COMMD1: variants seen among roughly 807,000 people sequenced by gnomAD.
The protein encoded by COMMD1 is copper metabolism domain containing 1.
A neutral mutation model predicts 17.2 loss-of-function variants in COMMD1; 10 were observed. That is an observed-to-expected ratio of 0.58 (90% CI 0.36 to 0.99). COMMD1 has a LOEUF of 0.99. Ranked by LOEUF, COMMD1 falls within the 50% of genes least tolerant of loss-of-function variation. The pLI, the probability that COMMD1 is intolerant of heterozygous loss-of-function variation, is 0.01. For synonymous variants in COMMD1, 97 were observed against 91.6 expected, an observed-to-expected ratio of 1.06 and a Z score of -0.34; for missense variants, 270 against 231.8, an observed-to-expected ratio of 1.17 and a Z score of -1.07.
At chr2:62,078,754 G>A (rs946197558) in intron 2 of COMMD1, among the ~76,000 whole-genome samples, 2 of 151,284 alleles carry the variant, frequency 1.3e-5, no homozygotes, top group Non-Finnish European at 2.9e-5. Flanking sequence ...GCACATGCCT[G>A]TAATCCCAGC....
At chr2:61,900,253 T>G (rs1459850351) in intron 1 of COMMD1, among the ~76,000 whole-genome samples, 2 of 152,204 alleles carry the variant, frequency 1.3e-5, no homozygotes, top group Non-Finnish European at 2.9e-5. Context: ...AAGGTGTACA[T>G]TGGTTCGGTC....
At chr2:62,008,386 A>AT (rs1669184422) in intron 2 of COMMD1, among the ~76,000 whole-genome samples, 1 of 150,534 alleles carries the variant, frequency 6.6e-6, no homozygotes, top group African/African-American at 2.4e-5. Context: ...ACACACACAC[A>AT]CACATATATA....
At chr2:62,005,709 G>A (rs1669092593) in intron 2 of COMMD1, among the ~76,000 whole-genome samples, 1 of 152,176 alleles carries the variant, frequency 6.6e-6, no homozygotes, top group Non-Finnish European at 1.5e-5. Flanking sequence ...GTGCTGGAGA[G>A]GATGTGGAGA....
intron 2 of COMMD1, among the ~76,000 whole-genome samples, chr2:62,031,462 A>G (rs1432923863): frequency 6.6e-6 from 1 of 152,238 alleles, no homozygotes; most frequent in Non-Finnish European, 1.5e-5. Flanking sequence ...GTTAAGAAGC[A>G]TAATACTCAT....
intron 2 of COMMD1, among the ~76,000 whole-genome samples, chr2:62,040,823 G>T (rs1328896402): frequency 6.6e-6 from 1 of 152,062 alleles, no homozygotes; most frequent in African/African-American, 2.4e-5. Flanking sequence ...CAGTTCTCGT[G>T]CTTCAGCCTC....
chr2:62,115,966 C>T (rs1672591986), intron 2 of COMMD1, among the ~76,000 whole-genome samples: 1 of 150,854 alleles, frequency 6.6e-6, no homozygotes, highest in South Asian at 2.1e-4. Context: ...GATTCTCTCA[C>T]CTCAGCCTCC....
intron 1 of COMMD1, among the ~76,000 whole-genome samples, chr2:61,921,255 C>A (rs944109569): frequency 1.3e-5 from 2 of 151,988 alleles, no homozygotes; most frequent in African/African-American, 4.8e-5. Context: ...CAGGTGTGAG[C>A]TAACATGCCT....
intron 1 of COMMD1, among the ~76,000 whole-genome samples, chr2:61,934,478 T>C (rs932758447): frequency 6.6e-6 from 1 of 152,244 alleles, no homozygotes; most frequent in South Asian, 2.1e-4. Context: ...ATCCCAGCGC[T>C]TGGGGAGGCA....
upstream of COMMD1, among the ~76,000 whole-genome samples, chr2:61,905,262 G>A (rs922003446): frequency 2.0e-5 from 3 of 152,188 alleles, no homozygotes; most frequent in African/African-American, 7.2e-5. Context: ...AGGATGACAG[G>A]TAAGGATTAG....
intron 2 of COMMD1, among the ~76,000 whole-genome samples, chr2:62,063,754 T>C (rs1177162663): frequency 2.0e-5 from 3 of 151,400 alleles, no homozygotes; most frequent in Non-Finnish European, 4.4e-5. Context: ...GAGACTTCAA[T>C]ATAGTGATTA....
chr2:62,126,873 G>A (rs1184556485), intron 2 of COMMD1, among the ~76,000 whole-genome samples: 4 of 152,124 alleles, frequency 2.6e-5, no homozygotes, highest in South Asian at 2.1e-4. Context: ...TGAAAGTTCT[G>A]GCCAGGGCAA....
intron 1 of COMMD1, among the ~76,000 whole-genome samples, chr2:61,977,988 GAAAA>G (rs759260116): frequency 3.0e-5 from 4 of 134,794 alleles, no homozygotes; most frequent in Non-Finnish European, 6.4e-5. Context: ...GATTCTGTCT[GAAAA>G]AAAAAAAAAA....
intron 1 of COMMD1, among the ~76,000 whole-genome samples, chr2:61,932,793 G>C (rs1670503031): frequency 1.3e-5 from 2 of 152,190 alleles, no homozygotes; most frequent in African/African-American, 4.8e-5. Flanking sequence ...ATGAATGCTG[G>C]AAGCAGCCCA....
rs1238326375 is a variant in COMMD1, at chr2:61,989,463, A to ATT, written c.181-11222_181-11221dup. 3.2e-3 allele frequency among the ~76,000 whole-genome samples: 445 copies of ATT among 137,342 alleles called. 1 individual carries two copies. The highest frequency in any genetic ancestry group is 8.3e-3 in the African/African-American group (308 of 37,148). 90.1% of individuals were successfully genotyped at this position (137,342 alleles called of 152,430 possible). A position where few individuals can be genotyped will look rare whatever the true frequency, so the allele number is the denominator to read the frequency against. ...CGCCCCCAAACCCTGGCAAATATTGATTTTTTTTTTTTTTTTTGAGACAGA... is the reference window on the plus strand; with the variant it reads ...CGCCCCCAAACCCTGGCAAATATTGATTTTTTTTTTTTTTTTTTTGAGACAGA... On this transcript the variant is annotated intron_variant, in intron 1 of 2. Coordinates refer to ENST00000311832, the MANE Select transcript of COMMD1 (RefSeq NM_152516.4).
chr2:62,048,005 A>G (rs1254181854), intron 2 of COMMD1, among the ~76,000 whole-genome samples: 1 of 152,000 alleles, frequency 6.6e-6, no homozygotes, highest in Non-Finnish European at 1.5e-5. Flanking sequence ...AATACACTCT[A>G]TGATGTTAAC....
At chr2:62,048,183 T>TC (rs1391017455) in intron 2 of COMMD1, among the ~76,000 whole-genome samples, 1 of 53,730 alleles carries the variant, frequency 1.9e-5, no homozygotes, top group Admixed American at 1.8e-4. Flanking sequence ...ACTAAATTTC[T>TC]TTTTTTTTTT....
At chr2:61,943,843 C>A (rs533747615) in intron 1 of COMMD1, among the ~76,000 whole-genome samples, 17 of 151,682 alleles carry the variant, frequency 1.1e-4, no homozygotes, top group Admixed American at 8.5e-4. Context: ...TCAAAAAAAA[C>A]AAAACAAAAC....
At chr2:62,121,598 C>A (rs1002977902) in intron 2 of COMMD1, among the ~76,000 whole-genome samples, 1 of 151,292 alleles carries the variant, frequency 6.6e-6, no homozygotes, top group South Asian at 2.1e-4. Context: ...ATTAGCCAGG[C>A]GTGTTGGTGT....
chr2:62,076,030 C>G lies in COMMD1; in HGVS notation c.463-59801C>G, dbSNP rs1324472478. Among the ~76,000 whole-genome samples, 2 of 152,174 alleles carry G rather than the reference C, an allele frequency of 1.3e-5. 1 individual carries two copies. Among genetic ancestry groups the G allele is most frequent in the African/African-American group, 4.8e-5 (2 of 41,444 alleles). ...GGGAATGGAAAAGACCTTGCTGTTGCAATATTCCTTTCCCAGTGTCTTAGC... is the reference window on the plus strand; with the variant it reads ...GGGAATGGAAAAGACCTTGCTGTTGGAATATTCCTTTCCCAGTGTCTTAGC... On this transcript the variant is annotated intron_variant, in intron 2 of 2. Transcript: ENST00000311832.
Sources: allele counts gnomAD v4.1 joint callset (sites outside exome capture counted in the v4.1 genomes callset), GRCh38; gene constraint gnomAD v4.1.1; transcripts MANE v1.5; gene names NCBI Gene and HGNC (gene_info 2026-07-23, HGNC 2026-07-21).